The following TMEM163 variants were observed in gnomAD, a reference collection of about 807,000 sequenced individuals.
TMEM163 encodes transmembrane protein 163.
In TMEM163, 17 loss-of-function variants were observed where a neutral mutation model predicts 29.3. The ratio of observed to expected loss-of-function variants is 0.58; its 90% confidence interval spans 0.40 to 0.87. The LOEUF (loss-of-function observed/expected upper bound fraction) is 0.87. Among genes scored for constraint, TMEM163 ranks in the 40% least tolerant of loss-of-function variants. TMEM163 has a pLI of 0.00. For missense variants in TMEM163, 303 were observed against 381.5 expected, an observed-to-expected ratio of 0.79 and a Z score of 1.71; for synonymous variants, 157 against 160.6, an observed-to-expected ratio of 0.98 and a Z score of 0.17.
intron 2 of TMEM163, among the ~76,000 whole-genome samples, chr2:134,679,093 C>T (rs1287318857): frequency 2.0e-5 from 3 of 152,054 alleles, no homozygotes; most frequent in Admixed American, 1.3e-4. Flanking sequence ...TAGGGAAGGT[C>T]CCAGAGACCA....
chr2:134,476,840 T>G (rs1215739857), intron 5 of TMEM163, among the ~76,000 whole-genome samples: 1 of 152,068 alleles, frequency 6.6e-6, no homozygotes, highest in Non-Finnish European at 1.5e-5. Context: ...GACCCTGTAG[T>G]ATGGCCTGCA....
rs182765420 is a variant in TMEM163 at position 134,616,512 on chromosome 2, C to G, written c.323-64421G>C. 1.2e-3 allele frequency among the ~76,000 whole-genome samples: 188 copies of G among 152,284 alleles called. 2 individuals carry two copies. The highest frequency in any genetic ancestry group is 4.1e-3 in the African/African-American group (170 of 41,564). Reference sequence around the variant, plus strand: ...GACTGCATTGATATGGTTACATTTCCAAAACCCCCAGTTCTTTAGGGATAG... The same window carrying G: ...GACTGCATTGATATGGTTACATTTCGAAAACCCCCAGTTCTTTAGGGATAG... On this transcript the variant is annotated intron_variant, in intron 2 of 7. Coordinates refer to ENST00000281924, the MANE Select transcript of TMEM163 (RefSeq NM_030923.5).
intron 2 of TMEM163, among the ~76,000 whole-genome samples, chr2:134,665,084 C>T (rs568183232): frequency 6.6e-6 from 1 of 152,246 alleles, no homozygotes; most frequent in East Asian, 1.9e-4. Flanking sequence ...TTTCTAACAA[C>T]AGCCACAGGA....
In TMEM163 at chr2:134,508,294, A is replaced by G. The variant is rs1329815752; in HGVS notation, c.459-5297T>C. Among the ~76,000 whole-genome samples, 7 of 152,330 alleles carry G rather than the reference A, an allele frequency of 4.6e-5. No individual in the cohort carries two copies. The East Asian group carries it at 7.7e-4, about 17-fold the overall frequency. ...ATAAAGTAGCCCTGGTGATTAACCA[A>G]TTCATCCCACAGTTTAACGTGTAAT... is the stretch of plus-strand genomic sequence containing the variant. On this transcript the variant is annotated intron_variant, in intron 4 of 7. Transcript: ENST00000281924.
chr2:134,626,553 G>A (rs1424360885), intron 2 of TMEM163, among the ~76,000 whole-genome samples: 3 of 152,050 alleles, frequency 2.0e-5, no homozygotes, highest in African/African-American at 4.8e-5. Flanking sequence ...GGGCCCATCC[G>A]GATAATCCAG....
At chr2:134,484,680 T>G (rs1307164049) in intron 5 of TMEM163, among the ~76,000 whole-genome samples, 1 of 152,156 alleles carries the variant, frequency 6.6e-6, no homozygotes, top group Non-Finnish European at 1.5e-5. Flanking sequence ...ACTACAGAGC[T>G]CAGCTATGAA....
intron 2 of TMEM163, among the ~76,000 whole-genome samples, chr2:134,685,607 A>G (rs1056828361): frequency 1.3e-5 from 2 of 152,228 alleles, no homozygotes; most frequent in African/African-American, 4.8e-5. Flanking sequence ...AGGTTAGCCT[A>G]ATTAGATCTG....
chr2:134,559,924 A>G (rs1347538125), intron 2 of TMEM163, among the ~76,000 whole-genome samples: 1 of 152,066 alleles, frequency 6.6e-6, no homozygotes, highest in African/African-American at 2.4e-5. Context: ...GCCTCCCTGG[A>G]AAGGCCATGG....
chr2:134,464,223 A>C (rs373665685), intron 6 of TMEM163, among the ~76,000 whole-genome samples: 3 of 152,244 alleles, frequency 2.0e-5, no homozygotes, highest in East Asian at 3.9e-4. Flanking sequence ...GGCATGCAGG[A>C]GTGCTGGACA....
rs1686381572 is a variant in TMEM163 at position 134,456,105 on chromosome 2, T to A, written c.*611A>T. On this transcript the variant is annotated 3_prime_UTR_variant, in exon 8 of 8. Coordinates refer to ENST00000281924, the MANE Select transcript of TMEM163 (RefSeq NM_030923.5). ...ACAAGAAAAGGTCAATGTGCTTATT[T>A]AATTCGTCCATGCAAAGCTTATACG... The A allele has an allele frequency of 6.5e-6, 1 of 152,762 alleles. No homozygotes were observed. The highest frequency in any genetic ancestry group is 1.5e-5 in the Non-Finnish European group (1 of 68,120). The allele number at this position is 152,762 out of a possible 1,614,324, so 9.5% of individuals were successfully genotyped here. A position where few individuals can be genotyped will look rare whatever the true frequency, so the allele number is the denominator to read the frequency against.
chr2:134,487,419 C>T lies in TMEM163; in HGVS notation c.555+15482G>A, dbSNP rs182246090. On this transcript the variant is annotated intron_variant, in intron 5 of 7. Transcript: ENST00000281924. The stretch of plus-strand genomic sequence containing the variant: ...TTCACCAAAGGACATAAAAGAAAAC[C>T]TTAACAGAGAAGGATGAAATGGAAG... Among the ~76,000 whole-genome samples, 733 of 152,092 alleles carry T rather than the reference C, an allele frequency of 4.8e-3. 3 individuals carry two copies. Among genetic ancestry groups the T allele is most frequent in the African/African-American group, 0.017 (696 of 41,480 alleles).
At chr2:134,502,309 G>A (rs1057088305) in intron 5 of TMEM163, among the ~76,000 whole-genome samples, 18 of 152,128 alleles carry the variant, frequency 1.2e-4, no homozygotes, top group Admixed American at 6.5e-5. Context: ...CTGCATGACA[G>A]GAGGCTGTAA....
At chr2:134,707,393 C>A (rs757827714) in intron 2 of TMEM163, among the ~76,000 whole-genome samples, 1 of 152,172 alleles carries the variant, frequency 6.6e-6, no homozygotes, top group African/African-American at 2.4e-5. Flanking sequence ...ACAAAGGCTG[C>A]CAGCGGAAGA....
chr2:134,691,585 C>T (rs557771950), intron 2 of TMEM163, among the ~76,000 whole-genome samples: 7 of 152,322 alleles, frequency 4.6e-5, no homozygotes, highest in African/African-American at 9.6e-5. Context: ...CACATGCGCA[C>T]GTACACCCTT....
At chr2:134,465,666 A>T (rs1686655980) in intron 6 of TMEM163, among the ~76,000 whole-genome samples, 1 of 152,262 alleles carries the variant, frequency 6.6e-6, no homozygotes, top group Non-Finnish European at 1.5e-5. Flanking sequence ...TCCCCAGAGC[A>T]GACACCTGGT....
chr2:134,585,599 G>A (rs184631887), intron 2 of TMEM163, among the ~76,000 whole-genome samples: 51 of 152,178 alleles, frequency 3.4e-4, no homozygotes, highest in East Asian at 3.3e-3. Context: ...AAAATTAGCC[G>A]GGCGCGGTGG....
intron 4 of TMEM163, among the ~76,000 whole-genome samples, chr2:134,548,898 C>G (rs1680846409): frequency 6.6e-6 from 1 of 152,108 alleles, no homozygotes; most frequent in Non-Finnish European, 1.5e-5. Context: ...CTTGTGACAT[C>G]AGGTTGGTGC....
intron 5 of TMEM163, among the ~76,000 whole-genome samples, chr2:134,501,286 G>A (rs1472520875): frequency 1.3e-5 from 2 of 152,134 alleles, no homozygotes; most frequent in Non-Finnish European, 2.9e-5. Context: ...ACCTTGAGGG[G>A]GAATGTAAGT....
chr2:134,533,471 G>C (rs1002718510), intron 4 of TMEM163, among the ~76,000 whole-genome samples: 1 of 152,174 alleles, frequency 6.6e-6, no homozygotes, highest in Admixed American at 6.5e-5. Flanking sequence ...CTTTTATGAG[G>C]AATGGAGGAC....
Sources: gnomAD v4.1 joint callset for allele counts (sites outside exome capture counted in the v4.1 genomes callset) on GRCh38, gnomAD v4.1.1 for gene constraint, MANE v1.5 for transcripts, NCBI Gene and HGNC (gene_info 2026-07-23, HGNC 2026-07-21) for gene names.